Variants in ZFYVE28 observed in about 807,000 individuals in gnomAD.
ZFYVE28 encodes the protein lateral signaling target protein 2 homolog.
ZFYVE28 carries 40 observed loss-of-function variants against 82.1 expected under a neutral mutation model. The observed-to-expected ratio is 0.49, with a 90% confidence interval of 0.38 to 0.63. ZFYVE28 has a LOEUF of 0.63. ZFYVE28 is among the 30% of genes least tolerant of loss of function. The pLI, the probability that ZFYVE28 is intolerant of heterozygous loss-of-function variation, is 0.00. For missense variants in ZFYVE28, 1,321 were observed against 1,242.1 expected (o/e 1.06, Z -0.96); for synonymous variants, 612 against 546.1 (o/e 1.12, Z -1.68).
intron 1 of ZFYVE28, among the ~76,000 whole-genome samples, chr4:2,405,143 C>T (rs1446183946): frequency 6.6e-6 from 1 of 152,232 alleles, no homozygotes; most frequent in Non-Finnish European, 1.5e-5. Flanking sequence ...TGGATAGTTC[C>T]AAAGTGAGCC....
intron 7 of ZFYVE28, among the ~76,000 whole-genome samples, chr4:2,316,979 G>A (rs866686163): frequency 1.6e-5 from 2 of 123,270 alleles, no homozygotes; most frequent in Non-Finnish European, 3.3e-5. Context: ...GTATTTTCTT[G>A]TTTCTTTAAC....
Position 2,341,529 on chromosome 4 carries a change from A to G in ZFYVE28, c.267T>C (p.Pro89=). The change falls in exon 3 of 13, where the codon CCT becomes CCC. Residue 89 remains proline (P), a synonymous_variant. Coordinates refer to ENST00000290974, the MANE Select transcript of ZFYVE28 (RefSeq NM_020972.3). The surrounding 1 kb of genome is among the most constrained non-coding windows in gnomAD (Gnocchi z 4.5). The part of the protein sequence containing the change: ...RAPRDFCVKF[P]EEIRHDNLAG... ...CCAGGTTGTCGTGCCGGATCTCCTC[A>G]GGGAACTTGACGCAGAAATCTCTGG... The G allele has an allele frequency of 3.1e-6, 5 of 1,613,934 alleles. No individual in the cohort carries two copies. The highest frequency in any genetic ancestry group is 3.4e-6 in the Non-Finnish European group (4 of 1,179,978).
At chr4:2,399,083 A>AGGTCCAGGGCACAAGCGTGG (rs1297197658) in intron 1 of ZFYVE28, among the ~76,000 whole-genome samples, 1 of 117,502 alleles carries the variant, frequency 8.5e-6, no homozygotes, top group Non-Finnish European at 1.7e-5. Flanking sequence ...CACAAGCGTG[A>AGGTCCAGGGCACAAGCGTGG]AGGTGAGATC....
intron 7 of ZFYVE28, among the ~76,000 whole-genome samples, chr4:2,318,031 GTGC>G (rs1373207314): frequency 6.6e-6 from 1 of 152,204 alleles, no homozygotes; most frequent in African/African-American, 2.4e-5. Flanking sequence ...ACTGGCAGGC[GTGC>G]TGCTTGAATG....
chr4:2,305,584 C>T (rs1180634672), intron 7 of ZFYVE28, 48 bp from the exon 8 acceptor site: 2 of 1,608,988 alleles, frequency 1.2e-6, no homozygotes, highest in South Asian at 1.1e-5. Context: ...AAAGCCACAC[C>T]AGCCTCCTTG....
At chr4:2,289,264 A>C (rs1713225773) in intron 8 of ZFYVE28, among the ~76,000 whole-genome samples, 1 of 152,232 alleles carries the variant, frequency 6.6e-6, no homozygotes, top group African/African-American at 2.4e-5. Context: ...CTTGGGTGAC[A>C]GTAAGACCCT....
intron 11 of ZFYVE28, 99 bp downstream of exon 11, chr4:2,271,576 G>A (rs1375905983): frequency 1.4e-6 from 2 of 1,450,222 alleles, no homozygotes; most frequent in Admixed American, 3.4e-5. Context: ...GCCCGGACAG[G>A]GTGGCCTGCA....
intron 1 of ZFYVE28, among the ~76,000 whole-genome samples, chr4:2,395,242 A>ACTGAGCCTCAGGAAGGCG (rs1237013126): frequency 6.6e-6 from 1 of 152,236 alleles, no homozygotes; most frequent in Admixed American, 6.5e-5. Context: ...TCAGGAAGGC[A>ACTGAGCCTCAGGAAGGCG]CTGAACTCAA....
At chr4:2,360,564 C>A (rs1245848926) in intron 1 of ZFYVE28, among the ~76,000 whole-genome samples, 3 of 152,104 alleles carry the variant, frequency 2.0e-5, no homozygotes, top group Non-Finnish European at 4.4e-5. Context: ...GTGCCTGGGG[C>A]GGGAGCAGGA....
intron 8 of ZFYVE28, among the ~76,000 whole-genome samples, chr4:2,278,510 T>C (rs1047240531): frequency 6.6e-5 from 10 of 151,920 alleles, no homozygotes; most frequent in South Asian, 2.1e-4. Flanking sequence ...AAAGAAAACA[T>C]TGGAGTAAAT....
chr4:2,353,715 C>A (rs894058536), intron 2 of ZFYVE28, among the ~76,000 whole-genome samples: 25 of 152,212 alleles, frequency 1.6e-4, no homozygotes, highest in African/African-American at 1.4e-4. Flanking sequence ...CTCTGCTCCC[C>A]CAAGTGTCCC....
chr4:2,364,745 CGTT>C (rs1726638237), intron 1 of ZFYVE28: 1 of 985,414 alleles, frequency 1.0e-6, no homozygotes. Flanking sequence ...ATGAGCATAA[CGTT>C]GTGCATTCCC....
chr4:2,378,210 G>A (rs1728362557), intron 1 of ZFYVE28, among the ~76,000 whole-genome samples: 1 of 152,164 alleles, frequency 6.6e-6, no homozygotes, highest in Non-Finnish European at 1.5e-5. Flanking sequence ...GCACGGTAGT[G>A]CACGCCTGCA....
At chr4:2,323,840 A>C (rs961581386) in intron 6 of ZFYVE28, among the ~76,000 whole-genome samples, 32 of 151,872 alleles carry the variant, frequency 2.1e-4, no homozygotes, top group African/African-American at 7.0e-4. Context: ...GATGGTTTCC[A>C]ATTTCATCCA....
At chr4:2,329,458 A>G (rs1467768899) in intron 6 of ZFYVE28, among the ~76,000 whole-genome samples, 1 of 152,236 alleles carries the variant, frequency 6.6e-6, no homozygotes, top group African/African-American at 2.4e-5. Flanking sequence ...AAATTCTGAC[A>G]CATGCTACAA....
chr4:2,357,227 G>A (rs1031176093), intron 1 of ZFYVE28, among the ~76,000 whole-genome samples: 1 of 152,152 alleles, frequency 6.6e-6, no homozygotes, highest in Admixed American at 6.5e-5. Context: ...TTGCTTATGG[G>A]GTGACCGCCA....
At chr4:2,376,997 A>G (rs1342237760) in intron 1 of ZFYVE28, among the ~76,000 whole-genome samples, 1 of 151,770 alleles carries the variant, frequency 6.6e-6, no homozygotes, top group Non-Finnish European at 1.5e-5. Context: ...TCCTATTTCT[A>G]TTGGACAGCA....
intron 8 of ZFYVE28, among the ~76,000 whole-genome samples, chr4:2,276,520 G>A (rs537621236): frequency 6.6e-6 from 1 of 152,252 alleles, no homozygotes; most frequent in East Asian, 1.9e-4. Flanking sequence ...ATACTTGCAC[G>A]CCCACGTTCA....
At chr4:2,329,881 G>A (rs73797723) in intron 6 of ZFYVE28, among the ~76,000 whole-genome samples, 4,339 of 152,090 alleles carry the variant, frequency 0.029, 192 homozygotes, top group African/African-American at 0.098. Flanking sequence ...AATACTTCGG[G>A]GATAATCTTT....
Sources: gnomAD v4.1 joint callset for allele counts (sites outside exome capture counted in the v4.1 genomes callset) on GRCh38, gnomAD v4.1.1 for gene constraint, Gnocchi (gnomAD v3.1) non-coding constraint, MANE v1.5 for transcripts, NCBI Gene and HGNC (gene_info 2026-07-23, HGNC 2026-07-21) for gene names.